The following F5 variants were observed in gnomAD, a reference collection of about 807,000 sequenced individuals.
F5 encodes activated protein c cofactor.
In F5, 138 loss-of-function variants were observed where a neutral mutation model predicts 216.4. That is an observed-to-expected ratio of 0.64 (90% CI 0.56 to 0.73). The LOEUF (loss-of-function observed/expected upper bound fraction) is 0.73. Ranked by LOEUF, F5 falls within the 30% of genes least tolerant of loss-of-function variation. F5 has a pLI of 0.00. For missense variants in F5, 2,403 were observed against 2,674.0 expected (o/e 0.90, Z 2.24); for synonymous variants, 916 against 930.7 (o/e 0.98, Z 0.29).
At chr1:169,545,468 T>C (rs952412683) in intron 11 of F5, among the ~76,000 whole-genome samples, 7 of 152,236 alleles carry the variant, frequency 4.6e-5, no homozygotes, top group African/African-American at 1.7e-4. Flanking sequence ...AAGTAAAACA[T>C]ATTACTAAAA....
Position 169,542,468 on chromosome 1 carries a change from T to C in F5, c.2622A>G (p.Gln874=). The stretch of plus-strand genomic sequence containing the variant: ...TCCAGGAGAACCTGTGCTTTGCTGC[T>C]TGATCTCTTTCTACCTTGGGTCCCT... ...KHKGPKVERD[Q]AAKHRFSWMK... The change falls in exon 13 of 25, where the codon CAA becomes CAG. Residue 874 remains glutamine, a synonymous_variant. Coordinates refer to ENST00000367797, the MANE Select transcript of F5 (RefSeq NM_000130.5). The C allele has an allele frequency of 1.2e-6, 2 of 1,614,170 alleles. No individual in the cohort carries two copies. The highest frequency in any genetic ancestry group is 1.7e-6 in the Non-Finnish European group (2 of 1,180,018).
chr1:169,532,027 T>C (rs753196058), intron 14 of F5, among the ~76,000 whole-genome samples: 1 of 152,160 alleles, frequency 6.6e-6, no homozygotes, highest in African/African-American at 2.4e-5. Context: ...ATTCCTAGGA[T>C]GCAAAGTGGC....
chr1:169,585,852 A>G (rs1226577294), intron 1 of F5, among the ~76,000 whole-genome samples: 1 of 152,244 alleles, frequency 6.6e-6, no homozygotes, highest in African/African-American at 2.4e-5. Context: ...TAAAAATACT[A>G]TACAACTAAA....
rs151335094 is a variant in F5 at position 169,517,006 on chromosome 1, A to G, written c.6346-1380T>C. On this transcript the variant is annotated intron_variant, in intron 23 of 24. Transcript: ENST00000367797. ...ATACCATGAACAAGTCTAAAGAGTCATCTGAAAAAGAATTGGATAACATCT... is the reference window on the plus strand; with the variant it reads ...ATACCATGAACAAGTCTAAAGAGTCGTCTGAAAAAGAATTGGATAACATCT... Among the ~76,000 whole-genome samples the G allele has an allele frequency of 3.5e-3, 531 of 152,336 alleles. 4 individuals carry two copies. The highest frequency in any genetic ancestry group is 0.012 in the African/African-American group (508 of 41,572).
Position 169,512,751 on chromosome 1 carries a change from C to G in F5, c.*1562G>C, listed in dbSNP as rs369460775. ...CAATGTTTTGTGGATGTTTGAAACTCTCATATACATTCATAGGGCTTACCC... is the reference window on the plus strand; with the variant it reads ...CAATGTTTTGTGGATGTTTGAAACTGTCATATACATTCATAGGGCTTACCC... On this transcript the variant is annotated 3_prime_UTR_variant, in exon 25 of 25. Coordinates refer to ENST00000367797, the MANE Select transcript of F5 (RefSeq NM_000130.5). Among the ~76,000 whole-genome samples the G allele has an allele frequency of 6.6e-6, 1 of 152,074 alleles. No individual in the cohort carries two copies. The highest frequency in any genetic ancestry group is 1.5e-5 in the Non-Finnish European group (1 of 67,976).
intron 23 of F5, among the ~76,000 whole-genome samples, chr1:169,517,496 G>T (rs533157005): frequency 6.6e-6 from 1 of 152,196 alleles, no homozygotes; most frequent in East Asian, 1.9e-4. Flanking sequence ...TGGAGTGTAG[G>T]TATCTTAAGG....
chr1:169,514,870 C>T (rs985168044), intron 24 of F5, among the ~76,000 whole-genome samples: 1 of 152,122 alleles, frequency 6.6e-6, no homozygotes, highest in African/African-American at 2.4e-5. Flanking sequence ...CCATTTCTGC[C>T]TTCAGCCCGT....
intron 7 of F5, among the ~76,000 whole-genome samples, 161 bp from the exon 8 acceptor site, chr1:169,552,895 T>C (rs1020903239): frequency 3.3e-5 from 5 of 152,258 alleles, no homozygotes; most frequent in Admixed American, 2.6e-4. Flanking sequence ...GTTTTCTGTC[T>C]AGTTGGAAAA....
chr1:169,521,078 C>A (rs947892552), intron 21 of F5, among the ~76,000 whole-genome samples: 1 of 152,122 alleles, frequency 6.6e-6, no homozygotes, highest in Non-Finnish European at 1.5e-5. Flanking sequence ...CAAATAAAAT[C>A]TGCTTTCTCT....
chr1:169,544,883 T>C (rs942405465), intron 11 of F5, among the ~76,000 whole-genome samples: 1 of 152,230 alleles, frequency 6.6e-6, no homozygotes, highest in African/African-American at 2.4e-5. Flanking sequence ...ATATTAGTCA[T>C]TGGGTAAGAA....
rs1284057390 is a variant in F5, at chr1:169,514,280, G to A, written c.*33C>T. On this transcript the variant is annotated 3_prime_UTR_variant, in exon 25 of 25. Transcript: ENST00000367797. ...ATTCTAAATGGTTTGAGGTCTTAAA[G>A]AGTCTCTTCCAGGGGTTTTTGAATG... The A allele has an allele frequency of 6.2e-7, 1 of 1,610,046 alleles. No individual in the cohort carries two copies. The highest frequency in any genetic ancestry group is 1.7e-5 in the Admixed American group (1 of 59,874).
Position 169,542,289 on chromosome 1 carries a change from A to C in F5, c.2801T>G (p.Leu934Ter), listed in dbSNP as rs1659876420. 2 of 1,614,084 alleles carry C rather than the reference A, an allele frequency of 1.2e-6. No homozygotes were observed. Among genetic ancestry groups the C allele is most frequent in the Non-Finnish European group, 1.7e-6 (2 of 1,179,984 alleles). Reference protein sequence around the residue: ...WKDPPSDLLLLKQSNSSKILV... With the variant: ...WKDPPSDLLL ...AATCTTAGATGAGTTACTTTGTTTT[A>C]AGAGTAACAGATCACTAGGAGGGTC... The change falls in exon 13 of 25, where the codon TTA (leucine) becomes TGA (stop). Residue 934 changes from leucine (L) to a stop codon, truncating the protein, a stop_gained. Transcript: ENST00000367797. LOFTEE classifies it high-confidence loss of function.
chr1:169,551,933 C>T (rs143374430), intron 8 of F5, among the ~76,000 whole-genome samples: 1 of 152,288 alleles, frequency 6.6e-6, no homozygotes, highest in African/African-American at 2.4e-5. Context: ...CATACCTAGA[C>T]TACATTAAAA....
intron 15 of F5, 137 bp downstream of exon 15, chr1:169,530,649 T>A (rs1327177395): frequency 3.8e-6 from 3 of 789,768 alleles, no homozygotes; most frequent in Non-Finnish European, 6.7e-6. Context: ...AAATGCAGAC[T>A]GTTAACCACA....
At position 169,523,856 on chromosome 1, in the gene F5, T is replaced by A; in HGVS notation, c.5837A>T (p.Asn1946Ile). 1 of 1,613,966 alleles carries A rather than the reference T, an allele frequency of 6.2e-7. No homozygotes were observed. Among genetic ancestry groups the A allele is most frequent in the Non-Finnish European group, 8.5e-7 (1 of 1,179,928 alleles). The change falls in exon 20 of 25, where the codon AAT becomes ATT. Residue 1946 changes from asparagine to isoleucine, a missense_variant. Coordinates refer to ENST00000367797, the MANE Select transcript of F5 (RefSeq NM_000130.5). ...TGCAAGTTTTTCTACACTCCAAGCA[T>A]TATAAGATCCACCATTGTTTAATCT... Reference protein sequence around the residue: ...LARLNNGGSYNAWSVEKLAAE... With the variant: ...LARLNNGGSYIAWSVEKLAAE...
At chr1:169,579,710 C>A (rs1660947241) in intron 2 of F5, among the ~76,000 whole-genome samples, 2 of 152,318 alleles carry the variant, frequency 1.3e-5, no homozygotes, top group East Asian at 1.9e-4. Context: ...TCTAATGAGT[C>A]ACCAAGTTTA....
chr1:169,548,358 A>G lies in F5; in HGVS notation c.1611+1443T>C, dbSNP rs1571580519. ...TAAGTACCCCTGAACTTAAGAGTAA[A>G]AAAAAAAGAAAAAAAAGTGCTGTAT... On this transcript the variant is annotated intron_variant, in intron 10 of 24. Transcript: ENST00000367797. 2.0e-5 allele frequency among the ~76,000 whole-genome samples: 3 copies of G among 152,236 alleles called. No individual in the cohort carries two copies. The East Asian group carries it at 5.8e-4, about 29-fold the overall frequency.
intron 24 of F5, 80 bp from the exon 25 acceptor site, chr1:169,514,539 G>T: frequency 8.0e-7 from 1 of 1,245,804 alleles, no homozygotes; most frequent in Non-Finnish European, 1.1e-6. Context: ...TTTAGACAGG[G>T]TCTTATTCTG....
At chr1:169,585,769 G>GACAAAAAGCAAA (rs2101849030) in intron 1 of F5, among the ~76,000 whole-genome samples, 1 of 152,234 alleles carries the variant, frequency 6.6e-6, no homozygotes, top group African/African-American at 2.4e-5. Flanking sequence ...AAAAGCACAA[G>GACAAAAAGCAAA]GTGTTCATTT....
Sources: allele counts gnomAD v4.1 joint callset (sites outside exome capture counted in the v4.1 genomes callset), GRCh38; gene constraint gnomAD v4.1.1; transcripts MANE v1.5; gene names NCBI Gene and HGNC (gene_info 2026-07-23, HGNC 2026-07-21).